SGCZ: variants seen among roughly 807,000 people sequenced by gnomAD.
SGCZ encodes the protein zeta-sarcoglycan.
SGCZ carries 40 observed loss-of-function variants against 41.3 expected under a neutral mutation model. The ratio of observed to expected loss-of-function variants is 0.97; its 90% CI spans 0.75 to 1.26. SGCZ has a LOEUF of 1.26. Among genes scored for constraint, SGCZ ranks in the 50% most tolerant of loss-of-function variants. SGCZ has a pLI of 0.00. For synonymous variants in SGCZ, 206 were observed against 137.5 expected, an observed-to-expected ratio of 1.50 and a Z score of -3.49; for missense variants, 552 against 369.8, an observed-to-expected ratio of 1.49 and a Z score of -4.04.
chr8:14,773,189 C>T (rs997736487), intron 1 of SGCZ, among the ~76,000 whole-genome samples: 1 of 152,126 alleles, frequency 6.6e-6, no homozygotes, highest in Admixed American at 6.5e-5. Context: ...GGATGATGAG[C>T]ATTTTTTCAT....
intron 4 of SGCZ, among the ~76,000 whole-genome samples, chr8:14,188,943 T>C (rs972059981): frequency 1.3e-5 from 2 of 150,998 alleles, no homozygotes; most frequent in African/African-American, 2.4e-5. Flanking sequence ...GCAACCTCCA[T>C]CACCCGGGTT....
At chr8:15,101,916 C>T (rs1806629584) in intron 1 of SGCZ, among the ~76,000 whole-genome samples, 1 of 152,132 alleles carries the variant, frequency 6.6e-6, no homozygotes, top group East Asian at 1.9e-4. Flanking sequence ...CAGAGCGAGA[C>T]TGTCTAAAAA....
chr8:14,345,380 G>A (rs1194042746), intron 2 of SGCZ, among the ~76,000 whole-genome samples: 1 of 152,064 alleles, frequency 6.6e-6, no homozygotes, highest in African/African-American at 2.4e-5. Context: ...TAAATTCTGG[G>A]ATATATGTAT....
chr8:14,686,053 C>G (rs1808599833), intron 1 of SGCZ, among the ~76,000 whole-genome samples: 1 of 152,112 alleles, frequency 6.6e-6, no homozygotes, highest in Admixed American at 6.6e-5. Flanking sequence ...TTCTAACAAA[C>G]TATATGTTTC....
chr8:14,286,304 C>T (rs17230584), intron 3 of SGCZ, among the ~76,000 whole-genome samples: 12,246 of 152,154 alleles, frequency 0.08, 688 homozygotes, highest in Non-Finnish European at 0.13. Context: ...GTTTAAAAAT[C>T]ACTTTTCATT....
chr8:14,836,287 C>A (rs966075758), intron 1 of SGCZ, among the ~76,000 whole-genome samples: 5 of 152,092 alleles, frequency 3.3e-5, no homozygotes, highest in Admixed American at 6.5e-5. Flanking sequence ...TTCTGAAATT[C>A]AATATTCTCA....
intron 1 of SGCZ, among the ~76,000 whole-genome samples, chr8:15,079,208 A>G (rs116116978): frequency 1.5e-3 from 234 of 152,244 alleles, no homozygotes; most frequent in African/African-American, 5.3e-3. Context: ...TGTATTCACT[A>G]CCAGTCTTTA....
intron 2 of SGCZ, among the ~76,000 whole-genome samples, chr8:14,509,947 C>A (rs1221749327): frequency 1.3e-5 from 2 of 152,028 alleles, no homozygotes; most frequent in African/African-American, 4.8e-5. Flanking sequence ...ATCCAATCAC[C>A]TCCCTCCCTC....
intron 1 of SGCZ, among the ~76,000 whole-genome samples, chr8:14,828,839 C>T (rs1802428700): frequency 6.6e-6 from 1 of 152,156 alleles, no homozygotes; most frequent in African/African-American, 2.4e-5. Context: ...TCCTTCTTTA[C>T]CATAACAATG....
At chr8:15,019,276 C>A (rs1190026147) in intron 1 of SGCZ, among the ~76,000 whole-genome samples, 1 of 151,974 alleles carries the variant, frequency 6.6e-6, no homozygotes, top group Non-Finnish European at 1.5e-5. Flanking sequence ...TTTCCAGGTG[C>A]AGAGAAATGG....
chr8:14,151,262 G>T (rs1282230000), intron 5 of SGCZ, among the ~76,000 whole-genome samples: 1 of 151,926 alleles, frequency 6.6e-6, no homozygotes, highest in African/African-American at 2.4e-5. Flanking sequence ...TTGCATTCTT[G>T]CATCGACATC....
intron 1 of SGCZ, among the ~76,000 whole-genome samples, chr8:14,977,693 A>T (rs80040653): frequency 6.6e-6 from 1 of 152,224 alleles, no homozygotes; most frequent in South Asian, 2.1e-4. Context: ...CAAAGTTTTG[A>T]GAAAAGTTCA....
At chr8:14,716,529 G>C (rs1020511700) in intron 1 of SGCZ, among the ~76,000 whole-genome samples, 10 of 151,986 alleles carry the variant, frequency 6.6e-5, no homozygotes, top group African/African-American at 2.4e-4. Context: ...TTTGAATAAA[G>C]TCGTATTATT....
intron 2 of SGCZ, among the ~76,000 whole-genome samples, chr8:14,478,598 G>A (rs531393263): frequency 6.6e-6 from 1 of 152,290 alleles, no homozygotes; most frequent in South Asian, 2.1e-4. Context: ...GTAAAAGACT[G>A]TAACTATGGA....
intron 1 of SGCZ, among the ~76,000 whole-genome samples, chr8:14,714,392 C>T (rs907730922): frequency 3.9e-5 from 6 of 152,188 alleles, no homozygotes; most frequent in African/African-American, 1.2e-4. Context: ...CTCATGATTA[C>T]TTCAAGCCAA....
chr8:14,094,512 T>C (rs1020443003), intron 7 of SGCZ, among the ~76,000 whole-genome samples: 6 of 152,098 alleles, frequency 3.9e-5, no homozygotes, highest in African/African-American at 1.4e-4. Context: ...ATATGTGCCA[T>C]ATTTTGTTTA....
chr8:15,195,929 G>A (rs1223245401), intron 1 of SGCZ, among the ~76,000 whole-genome samples: 14 of 98,476 alleles, frequency 1.4e-4, no homozygotes, highest in African/African-American at 3.3e-4. Context: ...ACGGAGTCTC[G>A]CTCTGTCGCC....
chr8:15,019,201 G>C (rs74781636), intron 1 of SGCZ, among the ~76,000 whole-genome samples: 44 of 152,298 alleles, frequency 2.9e-4, no homozygotes, highest in African/African-American at 9.6e-4. Flanking sequence ...GTGATGGACT[G>C]GACTGAGAAT....
At chr8:14,617,053 AT>A (rs1178833983) in intron 1 of SGCZ, among the ~76,000 whole-genome samples, 4 of 152,258 alleles carry the variant, frequency 2.6e-5, no homozygotes, top group Admixed American at 6.5e-5. Flanking sequence ...AGAGAAAAAA[AT>A]CTTAATATAA....
Sources: gnomAD v4.1 joint callset for allele counts (sites outside exome capture counted in the v4.1 genomes callset) on GRCh38, gnomAD v4.1.1 for gene constraint, MANE v1.5 for transcripts, NCBI Gene and HGNC (gene_info 2026-07-23, HGNC 2026-07-21) for gene names.